SRGAP1: variants seen among roughly 807,000 people sequenced by gnomAD.
SRGAP1 encodes SLIT-ROBO Rho GTPase-activating protein 1.
A neutral mutation model predicts 121.9 loss-of-function variants in SRGAP1; 43 were observed. The ratio of observed to expected loss-of-function variants is 0.35; its 90% CI spans 0.28 to 0.46. The LOEUF is 0.46. Among genes scored for constraint, SRGAP1 ranks in the 20% least tolerant of loss-of-function variants. SRGAP1 has a pLI of 1.00. For synonymous variants in SRGAP1, 447 were observed against 485.4 expected, an observed-to-expected ratio of 0.92 and a Z score of 1.04; for missense variants, 1,102 against 1,350.9, an observed-to-expected ratio of 0.82 and a Z score of 2.89.
chr12:63,971,771 T>G (rs1293360679), intron 1 of SRGAP1, among the ~76,000 whole-genome samples: 2 of 152,046 alleles, frequency 1.3e-5, no homozygotes, highest in East Asian at 3.9e-4. Flanking sequence ...TGGGTGTGTG[T>G]GTGTGTGTGT....
intron 3 of SRGAP1, 69 bp from the exon 4 acceptor site, chr12:64,016,881 A>C: frequency 3.5e-6 from 3 of 856,134 alleles, no homozygotes; most frequent in Non-Finnish European, 3.6e-6. Flanking sequence ...ACATTCCTCT[A>C]TTTTCAGTTA....
chr12:63,963,022 G>T (rs560770787), intron 1 of SRGAP1, among the ~76,000 whole-genome samples: 1 of 152,160 alleles, frequency 6.6e-6, no homozygotes, highest in East Asian at 1.9e-4. Flanking sequence ...GTAGCTTCTA[G>T]AAAATTTAGA....
At chr12:63,913,951 A>G (rs2030666709) in intron 1 of SRGAP1, among the ~76,000 whole-genome samples, 1 of 152,096 alleles carries the variant, frequency 6.6e-6, no homozygotes, top group South Asian at 2.1e-4. Context: ...TTTATTACAG[A>G]TAGTTTGGGA....
intron 1 of SRGAP1, among the ~76,000 whole-genome samples, chr12:63,977,716 A>G (rs2033130563): frequency 6.6e-6 from 1 of 151,620 alleles, no homozygotes; most frequent in Admixed American, 6.6e-5. Flanking sequence ...TGAAAAGCAC[A>G]CTCATTTTGT....
chr12:63,844,741 T>C lies in SRGAP1; in HGVS notation c.-76T>C, dbSNP rs1898840101. On this transcript the variant is annotated 5_prime_UTR_variant, in exon 1 of 22. Transcript: ENST00000355086. The surrounding 1 kb of genome is among the most constrained non-coding windows in gnomAD (Gnocchi z 4.3). ...TTGCCTGCGTGTGGGAGTACAACTC[T>C]GCCTCTCCAAGGAGAACGGGTTGTG... is the stretch of plus-strand genomic sequence containing the variant. The C allele has an allele frequency of 2.1e-6, 3 of 1,445,172 alleles. No homozygotes were observed. The South Asian group carries it at 3.4e-5, about 16-fold the overall frequency. 89.5% of individuals were successfully genotyped at this position (1,445,172 alleles called of 1,614,324 possible).
chr12:64,031,992 C>T (rs2034791339), intron 4 of SRGAP1, among the ~76,000 whole-genome samples: 1 of 152,168 alleles, frequency 6.6e-6, no homozygotes, highest in African/African-American at 2.4e-5. Flanking sequence ...AAATGCTACT[C>T]TGTAAATTTA....
chr12:63,856,982 A>G (rs7310575), intron 1 of SRGAP1, among the ~76,000 whole-genome samples: 43,097 of 151,888 alleles, frequency 0.28, 7,041 homozygotes, highest in East Asian at 0.56. Flanking sequence ...TGCTTTTGAT[A>G]TTTTTGTTTA....
At chr12:64,135,852 G>A (rs1354279190) in intron 21 of SRGAP1, among the ~76,000 whole-genome samples, 1 of 152,122 alleles carries the variant, frequency 6.6e-6, no homozygotes, top group African/African-American at 2.4e-5. Context: ...ACATATAAAG[G>A]TGAGTTTATT....
At chr12:64,073,320 G>GT (rs1324368356) in intron 8 of SRGAP1, among the ~76,000 whole-genome samples, 1 of 152,168 alleles carries the variant, frequency 6.6e-6, no homozygotes, top group African/African-American at 2.4e-5. Flanking sequence ...CTTCGTATAT[G>GT]TATTCCATGT....
chr12:64,043,134 A>G (rs1233800911), intron 5 of SRGAP1, among the ~76,000 whole-genome samples, 162 bp downstream of exon 5: 5 of 152,232 alleles, frequency 3.3e-5, no homozygotes, highest in Admixed American at 2.6e-4. Flanking sequence ...AAATCATGTA[A>G]TAACAGCTGG....
chr12:64,003,234 A>AGTCC (rs2033963538), intron 3 of SRGAP1, among the ~76,000 whole-genome samples: 1 of 151,958 alleles, frequency 6.6e-6, no homozygotes, highest in Non-Finnish European at 1.5e-5. Context: ...CTACAGGTGT[A>AGTCC]CACCACCATG....
At chr12:63,987,215 C>T (rs1382872753) in intron 2 of SRGAP1, among the ~76,000 whole-genome samples, 1 of 152,130 alleles carries the variant, frequency 6.6e-6, no homozygotes, top group Non-Finnish European at 1.5e-5. Context: ...ATATCATTAC[C>T]AATCATTTAA....
intron 18 of SRGAP1, among the ~76,000 whole-genome samples, chr12:64,118,813 C>T (rs1202432005): frequency 6.6e-6 from 1 of 152,098 alleles, no homozygotes. Flanking sequence ...CCTCCACATC[C>T]TGGATTCAAG....
chr12:64,050,756 GCT>G (rs752752415), intron 6 of SRGAP1, among the ~76,000 whole-genome samples: 2 of 152,024 alleles, frequency 1.3e-5, no homozygotes. Context: ...ATGGAATCTT[GCT>G]CTGTTGCCCA....
chr12:64,135,924 C>T (rs1211777003), intron 21 of SRGAP1, among the ~76,000 whole-genome samples: 2 of 152,166 alleles, frequency 1.3e-5, no homozygotes, highest in Admixed American at 6.5e-5. Context: ...AGCAAGGAGT[C>T]GGTCCAAGTT....
intron 4 of SRGAP1, among the ~76,000 whole-genome samples, chr12:64,021,677 C>G (rs1336769749): frequency 6.6e-6 from 1 of 152,152 alleles, no homozygotes; most frequent in Non-Finnish European, 1.5e-5. Context: ...AATGCCTCCC[C>G]CACAACACAG....
chr12:63,870,136 A>C (rs1157384230), intron 1 of SRGAP1, among the ~76,000 whole-genome samples: 1 of 152,190 alleles, frequency 6.6e-6, no homozygotes, highest in African/African-American at 2.4e-5. Flanking sequence ...TCTTTGACCT[A>C]ATAAGAGTTT....
chr12:64,113,459 T>C (rs2036466879), intron 17 of SRGAP1, among the ~76,000 whole-genome samples: 1 of 151,958 alleles, frequency 6.6e-6, no homozygotes, highest in Non-Finnish European at 1.5e-5. Context: ...AGTAGTACAG[T>C]AGGAAAATTA....
At chr12:63,921,824 A>G (rs935911733) in intron 1 of SRGAP1, among the ~76,000 whole-genome samples, 14 of 152,208 alleles carry the variant, frequency 9.2e-5, no homozygotes, top group Non-Finnish European at 1.9e-4. Flanking sequence ...AATTGATTTT[A>G]TAGGCCTTTC....
Sources: allele counts gnomAD v4.1 joint callset (sites outside exome capture counted in the v4.1 genomes callset), GRCh38; gene constraint gnomAD v4.1.1; non-coding constraint Gnocchi (gnomAD v3.1); transcripts MANE v1.5; gene names NCBI Gene and HGNC (gene_info 2026-07-23, HGNC 2026-07-21).